Variants in APOC2 observed in about 807,000 individuals in gnomAD.
APOC2 encodes apolipoprotein C-II.
APOC2 carries 6 observed loss-of-function variants against 10.2 expected under a neutral mutation model. The ratio of observed to expected loss-of-function variants is 0.59; its 90% CI spans 0.32 to 1.16. APOC2 has a LOEUF of 1.16. Ranked by LOEUF, APOC2 falls within the 50% of genes most tolerant of loss-of-function variation. The pLI is 0.05. For synonymous variants in APOC2, 56 were observed against 48.5 expected, an observed-to-expected ratio of 1.15 and a Z score of -0.64; for missense variants, 110 against 117.6, an observed-to-expected ratio of 0.94 and a Z score of 0.30.
In APOC2 at chr19:44,949,044, C is replaced by T. The variant is rs1267734477; in HGVS notation, c.216-115C>T. ...CCCTCAGACCCAGGAGTCCAGGCCC[C>T]CAGCCCCTCCTCCCTCAGACCCAGG... On this transcript the variant is annotated intron_variant, in intron 3 of 3. Coordinates refer to ENST00000252490, the MANE Select transcript of APOC2 (RefSeq NM_000483.5). 6.7e-4 allele frequency: 730 copies of T among 1,081,614 alleles called. 14 individuals are homozygous for T. Among genetic ancestry groups the T allele is most frequent in the African/African-American group, 6.5e-3 (372 of 56,964 alleles). The allele number at this position is 1,081,614 out of a possible 1,614,324, so 67.0% of individuals were successfully genotyped here. A position where few individuals can be genotyped will look rare whatever the true frequency, so the allele number is the denominator to read the frequency against.
intron 1 of APOC2, 159 bp from the exon 2 acceptor site, chr19:44,948,307 C>G (rs1012101474): frequency 1.5e-6 from 1 of 674,586 alleles, no homozygotes; most frequent in Non-Finnish European, 2.7e-6. Context: ...AAGTGAGGCC[C>G]AAGAAGGGGG....
chr19:44,948,011 G>C (rs1970340901), intron 1 of APOC2, among the ~76,000 whole-genome samples: 1 of 152,218 alleles, frequency 6.6e-6, no homozygotes, highest in Non-Finnish European at 1.5e-5. Flanking sequence ...AGAGGTTGCA[G>C]TGAGCCGAGA....
In APOC2 at chr19:44,949,302, C is replaced by A; in HGVS notation, c.*53C>A. On this transcript the variant is annotated 3_prime_UTR_variant, in exon 4 of 4. Coordinates refer to ENST00000252490, the MANE Select transcript of APOC2 (RefSeq NM_000483.5). ...GGGAGAGTCCCCTACTCCCCTGATCCCCCAGGTTCAGACTGAGCTCCCCCT... is the reference window on the plus strand; with the variant it reads ...GGGAGAGTCCCCTACTCCCCTGATCACCCAGGTTCAGACTGAGCTCCCCCT... The A allele has an allele frequency of 6.8e-7, 1 of 1,473,490 alleles. No homozygotes were observed. The highest frequency in any genetic ancestry group is 2.3e-5 in the East Asian group (1 of 43,736). The allele number at this position is 1,473,490 out of a possible 1,614,324, so 91.3% of individuals were successfully genotyped here.
Position 44,948,536 on chromosome 19 carries a change from G to T in APOC2, c.55+3G>T. 6.2e-7 allele frequency: 1 copy of T among 1,614,060 alleles called. No homozygotes were observed. Among genetic ancestry groups the T allele is most frequent in the Non-Finnish European group, 8.5e-7 (1 of 1,179,932 alleles). On this transcript the variant is annotated splice_donor_region_variant and intron_variant, in intron 2 of 3. Transcript: ENST00000252490. Reference sequence around the variant, plus strand: ...TGTCCTCCTGGTATTGGGATTTGGTGAGTGTGGGCTTCCGGGGAGGGAAGC... The same window carrying T: ...TGTCCTCCTGGTATTGGGATTTGGTTAGTGTGGGCTTCCGGGGAGGGAAGC...
At chr19:44,946,234 T>TGTGTGTGTGTGTGTGTGTGTGTGAGA (rs1236986911) in intron 1 of APOC2, among the ~76,000 whole-genome samples, 159 bp downstream of exon 1, 3 of 132,836 alleles carry the variant, frequency 2.3e-5, no homozygotes, top group African/African-American at 8.9e-5. Context: ...TGTGTGTGTG[T>TGTGTGTGTGTGTGTGTGTGTGTGAGA]GAGAGAGAGA....
At chr19:44,949,075 A>C in intron 3 of APOC2, 84 bp from the exon 4 acceptor site, 1 of 1,215,192 alleles carries the variant, frequency 8.2e-7, no homozygotes. Context: ...CCAGGAGTCC[A>C]GGTCCCCAGA....
chr19:44,948,388 C>G, intron 1 of APOC2, 78 bp from the exon 2 acceptor site: 1 of 1,242,068 alleles, frequency 8.1e-7, no homozygotes, highest in Non-Finnish European at 1.2e-6. Flanking sequence ...TCTCAGTCCC[C>G]CCCACCAGAG....
Position 44,948,692 on chromosome 19 carries a change from C to T in APOC2, c.56-9C>T. On this transcript the variant is annotated splice_polypyrimidine_tract_variant and intron_variant, in intron 2 of 3. Coordinates refer to ENST00000252490, the MANE Select transcript of APOC2 (RefSeq NM_000483.5). ...CCACGGGCTCTCCTGACACACTCTC[C>T]CCCTGCAGAGGTCCAGGGGACCCAA... The T allele has an allele frequency of 6.2e-7, 1 of 1,614,072 alleles. No individual in the cohort carries two copies. Among genetic ancestry groups the T allele is most frequent in the Non-Finnish European group, 8.5e-7 (1 of 1,179,992 alleles).
At chr19:44,947,004 TAGAC>T (rs777499201) in intron 1 of APOC2, among the ~76,000 whole-genome samples, 1 of 151,688 alleles carries the variant, frequency 6.6e-6, no homozygotes, top group Non-Finnish European at 1.5e-5. Context: ...ATACAAAAAT[TAGAC>T]AGGCATGGTG....
chr19:44,948,726 G>A lies in APOC2; in HGVS notation c.81G>A (p.Gln27=). The A allele has an allele frequency of 1.2e-6, 2 of 1,614,092 alleles. No individual in the cohort carries two copies. Among genetic ancestry groups the A allele is most frequent in the Non-Finnish European group, 1.7e-6 (2 of 1,180,008 alleles). Residue 27 remains glutamine (Q), a synonymous_variant, in exon 3 of 4, where the codon CAG becomes CAA. Transcript: ENST00000252490. ...AGGTCCAGGGGACCCAACAGCCCCAGCAAGATGAGATGCCTAGCCCGACCT... is the reference window on the plus strand; with the variant it reads ...AGGTCCAGGGGACCCAACAGCCCCAACAAGATGAGATGCCTAGCCCGACCT... ...GFEVQGTQQP[Q]QDEMPSPTFL...
chr19:44,948,829 A>T lies in APOC2; in HGVS notation c.184A>T (p.Thr62Ser). 1 of 1,613,836 alleles carries T rather than the reference A, an allele frequency of 6.2e-7. No individual in the cohort carries two copies. The highest frequency in any genetic ancestry group is 1.6e-4 in the Middle Eastern group (1 of 6,062). Reference sequence around the variant, plus strand: ...AGCCGCCCAGAACCTGTACGAGAAGACATACCTGCCCGCTGTAGATGAGAA... The same window carrying T: ...AGCCGCCCAGAACCTGTACGAGAAGTCATACCTGCCCGCTGTAGATGAGAA... ...KTAAQNLYEKTYLPAVDEKLR... is the reference protein window; with the variant it reads ...KTAAQNLYEKSYLPAVDEKLR... Residue 62 changes from threonine to serine, a missense_variant, in exon 3 of 4, where the codon ACA becomes TCA. Thr to Ser is a moderately conservative substitution (Grantham distance 58, BLOSUM62 1). Coordinates refer to ENST00000252490, the MANE Select transcript of APOC2 (RefSeq NM_000483.5).
rs778728968 is a variant in APOC2, at chr19:44,948,690, T to A, written c.56-11T>A. ...CCCCACGGGCTCTCCTGACACACTC[T>A]CCCCCTGCAGAGGTCCAGGGGACCC... is the stretch of plus-strand genomic sequence containing the variant. On this transcript the variant is annotated splice_polypyrimidine_tract_variant and intron_variant, in intron 2 of 3. Transcript: ENST00000252490. 1 of 1,613,382 alleles carries A rather than the reference T, an allele frequency of 6.2e-7. No individual in the cohort carries two copies. Among genetic ancestry groups the A allele is most frequent in the Admixed American group, 1.7e-5 (1 of 59,950 alleles).
At chr19:44,946,678 C>T (rs1186727104) in intron 1 of APOC2, among the ~76,000 whole-genome samples, 2 of 151,732 alleles carry the variant, frequency 1.3e-5, no homozygotes, top group Non-Finnish European at 1.5e-5. Context: ...AAAAATTGGC[C>T]GGGTGTGGTA....
rs150448996 is a variant in APOC2, at chr19:44,949,437, G to GT, written c.*188_*189insT. On this transcript the variant is annotated 3_prime_UTR_variant, in exon 4 of 4. Transcript: ENST00000252490. ...GGCACTGCTTTTCTGAGGACTCAAGGGCCAAGATGGAGGGGCTGACTCAGT... is the reference window on the plus strand; with the variant it reads ...GGCACTGCTTTTCTGAGGACTCAAGGTGCCAAGATGGAGGGGCTGACTCAGT... 0.29 allele frequency: 180,546 copies of GT among 625,956 alleles called. 27,433 individuals are homozygous for GT. The highest frequency in any genetic ancestry group is 0.44 in the East Asian group (15,734 of 35,412). The allele number at this position is 625,956 out of a possible 1,614,324, so 38.8% of individuals were successfully genotyped here.
At chr19:44,948,985 T>G (rs1391410785) in intron 3 of APOC2, 125 bp downstream of exon 3, 4 of 1,256,556 alleles carry the variant, frequency 3.2e-6, no homozygotes, top group African/African-American at 2.0e-5. Flanking sequence ...CCCTCCTCCC[T>G]CAGACCCAGG....
intron 1 of APOC2, among the ~76,000 whole-genome samples, chr19:44,946,635 A>G (rs2122206106): frequency 6.6e-6 from 1 of 152,288 alleles, no homozygotes; most frequent in African/African-American, 2.4e-5. Flanking sequence ...CAGCCTTACC[A>G]GCATGGTGAA....
Position 44,949,368 on chromosome 19 carries a change from A to T in APOC2, c.*119A>T. On this transcript the variant is annotated 3_prime_UTR_variant, in exon 4 of 4. Transcript: ENST00000252490. ...CATCCTCCTCCCAACTCTAGCCTGA[A>T]TTCTTTTCAATAAAAAATACAATTC... 1.3e-6 allele frequency: 1 copy of T among 770,472 alleles called. No homozygotes were observed. Among genetic ancestry groups the T allele is most frequent in the South Asian group, 1.5e-5 (1 of 68,030 alleles). 47.7% of individuals were successfully genotyped at this position (770,472 alleles called of 1,614,324 possible).
chr19:44,946,191 C>CTGTGTGTGTGTGTGTGTGTGTGTGTG (rs71338739), intron 1 of APOC2, 116 bp downstream of exon 1: 6 of 134,048 alleles, frequency 4.5e-5, no homozygotes, highest in African/African-American at 1.8e-4. Context: ...GGAACCATGA[C>CTGTGTGTGTGTGTGTGTGTGTGTGTG]TGTGTGTGTG....
In APOC2 at chr19:44,949,452, G is replaced by C; in HGVS notation, c.*203G>C. Reference sequence around the variant, plus strand: ...AGGACTCAAGGGCCAAGATGGAGGGGCTGACTCAGTCCAGCCAACATTTAA... The same window carrying C: ...AGGACTCAAGGGCCAAGATGGAGGGCCTGACTCAGTCCAGCCAACATTTAA... On this transcript the variant is annotated 3_prime_UTR_variant, in exon 4 of 4. Transcript: ENST00000252490. 1 of 609,422 alleles carries C rather than the reference G, an allele frequency of 1.6e-6. No homozygotes were observed. 37.8% of individuals were successfully genotyped at this position (609,422 alleles called of 1,614,324 possible).
Sources: gnomAD v4.1 joint callset for allele counts (sites outside exome capture counted in the v4.1 genomes callset) on GRCh38, gnomAD v4.1.1 for gene constraint, MANE v1.5 for transcripts, NCBI Gene and HGNC (gene_info 2026-07-23, HGNC 2026-07-21) for gene names.